CNBD1: variants seen among roughly 807,000 people sequenced by gnomAD.
CNBD1 encodes cyclic nucleotide-binding domain-containing protein 1.
CNBD1 carries 71 observed loss-of-function variants against 54.4 expected under a neutral mutation model. The ratio of observed to expected loss-of-function variants is 1.30; its 90% confidence interval spans 1.08 to 1.59. The LOEUF (loss-of-function observed/expected upper bound fraction) is 1.59. Among genes scored for constraint, CNBD1 ranks in the 40% most tolerant of loss-of-function variants. The probability of loss-of-function intolerance (pLI) is 0.00; values close to 1 mark genes in which losing one functional copy is unlikely to be tolerated. For missense variants in CNBD1, 659 were observed against 518.0 expected (o/e 1.27, Z -2.64); for synonymous variants, 182 against 170.7 (o/e 1.07, Z -0.51).
intron 4 of CNBD1, among the ~76,000 whole-genome samples, chr8:87,198,262 G>T (rs1415726539): frequency 6.6e-6 from 1 of 152,164 alleles, no homozygotes; most frequent in African/African-American, 2.4e-5. Flanking sequence ...CAGCTGGTGA[G>T]GAACTCCTCA....
chr8:86,936,742 CAAAA>C (rs35376017), intron 3 of CNBD1, among the ~76,000 whole-genome samples: 1 of 100,880 alleles, frequency 9.9e-6, no homozygotes. Context: ...GACTCCATCT[CAAAA>C]AAAAAAAAAA....
chr8:87,044,690 G>C (rs1201466956), intron 4 of CNBD1: 2 of 152,120 alleles, frequency 1.3e-5, no homozygotes, highest in Non-Finnish European at 2.9e-5. Flanking sequence ...AGCTTTTCTT[G>C]TTTATATAAT....
chr8:86,909,905 A>G (rs984932723), intron 3 of CNBD1, among the ~76,000 whole-genome samples: 2 of 152,176 alleles, frequency 1.3e-5, no homozygotes, highest in African/African-American at 4.8e-5. Flanking sequence ...TTATTAATTA[A>G]TCCAATTACT....
At chr8:87,000,256 A>G (rs894690668) in intron 4 of CNBD1, among the ~76,000 whole-genome samples, 5 of 151,768 alleles carry the variant, frequency 3.3e-5, no homozygotes, top group Admixed American at 3.3e-4. Flanking sequence ...TTTTAAGGCA[A>G]TTTTCCCTGT....
intron 4 of CNBD1, among the ~76,000 whole-genome samples, chr8:87,095,714 G>A (rs555216528): frequency 1.3e-5 from 2 of 152,242 alleles, no homozygotes; most frequent in East Asian, 1.9e-4. Flanking sequence ...CTGGAGAGCC[G>A]TGGCACGATC....
At chr8:87,196,994 G>A (rs1278966117) in intron 4 of CNBD1, among the ~76,000 whole-genome samples, 1 of 151,706 alleles carries the variant, frequency 6.6e-6, no homozygotes, top group Non-Finnish European at 1.5e-5. Flanking sequence ...GCTGGAATTG[G>A]GTCTAGAAAT....
chr8:87,213,253 A>G (rs541168818), intron 5 of CNBD1, among the ~76,000 whole-genome samples: 18 of 152,352 alleles, frequency 1.2e-4, no homozygotes, highest in South Asian at 1.0e-3. Flanking sequence ...TTGGGATTGT[A>G]AGATGAAGCC....
chr8:87,226,358 G>C (rs1440966970), intron 5 of CNBD1, among the ~76,000 whole-genome samples: 2 of 150,392 alleles, frequency 1.3e-5, no homozygotes, highest in Non-Finnish European at 2.9e-5. Context: ...GATCTTTCCT[G>C]CTTTCTCTTG....
chr8:87,343,600 T>C (rs1048029575), intron 8 of CNBD1, among the ~76,000 whole-genome samples: 1 of 152,224 alleles, frequency 6.6e-6, no homozygotes, highest in Non-Finnish European at 1.5e-5. Flanking sequence ...ATGTGTTGTT[T>C]AGGCTTTCAA....
chr8:87,099,900 G>C (rs904050998), intron 4 of CNBD1, among the ~76,000 whole-genome samples: 1 of 152,138 alleles, frequency 6.6e-6, no homozygotes, highest in Non-Finnish European at 1.5e-5. Context: ...CATTGCCAAG[G>C]ATCATTCTGT....
At chr8:87,079,799 T>G (rs1810949331) in intron 4 of CNBD1, among the ~76,000 whole-genome samples, 1 of 152,164 alleles carries the variant, frequency 6.6e-6, no homozygotes, top group African/African-American at 2.4e-5. Flanking sequence ...AAAAGATCTT[T>G]TAAATAGCGG....
rs1809271678 is a variant in CNBD1 at position 87,311,790 on chromosome 8, T to C, written c.1042+25119T>C. Among the ~76,000 whole-genome samples the C allele has an allele frequency of 4.6e-5, 7 of 152,050 alleles. No individual in the cohort carries two copies. In the South Asian group the frequency reaches 1.4e-3, roughly 31 times the overall value. The stretch of plus-strand genomic sequence containing the variant: ...ATAAAAAAGAGCAAAATCATGTCAT[T>C]TGCAGCAATATGAATGCAGCTGGCG... On this transcript the variant is annotated intron_variant, in intron 8 of 10. Transcript: ENST00000518476.
chr8:87,380,869 C>G (rs1387104869), intron 10 of CNBD1, among the ~76,000 whole-genome samples: 2 of 151,948 alleles, frequency 1.3e-5, no homozygotes, highest in Non-Finnish European at 2.9e-5. Context: ...GGACCCTTAC[C>G]TTGCACTGTA....
At chr8:87,219,808 A>C (rs1401225382) in intron 5 of CNBD1, among the ~76,000 whole-genome samples, 1 of 152,002 alleles carries the variant, frequency 6.6e-6, no homozygotes, top group African/African-American at 2.4e-5. Context: ...ATGCTTATAC[A>C]ATCACTTACG....
At chr8:87,074,941 T>C (rs748935953) in intron 4 of CNBD1, among the ~76,000 whole-genome samples, 2 of 152,212 alleles carry the variant, frequency 1.3e-5, no homozygotes, top group Admixed American at 1.3e-4. Context: ...ATTTAGTGGT[T>C]AGAAGCAGAG....
intron 10 of CNBD1, among the ~76,000 whole-genome samples, chr8:87,368,074 A>G (rs9649998): frequency 0.014 from 2,157 of 152,104 alleles, 20 homozygotes; most frequent in Middle Eastern, 0.051. Context: ...AGGCAGGAGA[A>G]TTGCTTGAAC....
chr8:87,413,172 G>A (rs1428229557), intron 2 of CNBD1, among the ~76,000 whole-genome samples: 1 of 152,048 alleles, frequency 6.6e-6, no homozygotes, highest in African/African-American at 2.4e-5. Flanking sequence ...GCTTGTGGAT[G>A]AGGCTATGAC....
chr8:87,156,997 C>T (rs1445244406), intron 4 of CNBD1, among the ~76,000 whole-genome samples: 1 of 152,112 alleles, frequency 6.6e-6, no homozygotes, highest in African/African-American at 2.4e-5. Context: ...ACTTCTAAGG[C>T]ACAGAGCTAA....
At chr8:87,120,489 A>G (rs7844876) in intron 4 of CNBD1, among the ~76,000 whole-genome samples, 83,801 of 151,508 alleles carry the variant, frequency 0.55, 23,449 homozygotes, top group African/African-American at 0.62. Flanking sequence ...AGCTAGTGTT[A>G]ATGTACATCT....
Sources: gnomAD v4.1 joint callset for allele counts (sites outside exome capture counted in the v4.1 genomes callset) on GRCh38, gnomAD v4.1.1 for gene constraint, MANE v1.5 for transcripts, NCBI Gene and HGNC (gene_info 2026-07-23, HGNC 2026-07-21) for gene names.